The following LPCAT2 variants were observed in gnomAD, a reference collection of about 807,000 sequenced individuals.
LPCAT2 encodes the protein 1-AGP acyltransferase 11.
In LPCAT2, 58 loss-of-function variants were observed where a neutral mutation model predicts 64.7. That is an observed-to-expected ratio of 0.90 (90% CI 0.73 to 1.12). The LOEUF (loss-of-function observed/expected upper bound fraction) is 1.12, where lower values mean the gene tolerates loss of function less well. Among genes scored for constraint, LPCAT2 ranks in the 50% most tolerant of loss-of-function variants. LPCAT2 has a pLI of 0.00. For missense variants in LPCAT2, 579 were observed against 669.8 expected, an observed-to-expected ratio of 0.86 and a Z score of 1.50; for synonymous variants, 252 against 245.3, an observed-to-expected ratio of 1.03 and a Z score of -0.26.
chr16:55,528,348 C>G, intron 2 of LPCAT2, 29 bp from the exon 3 acceptor site: 1 of 1,562,566 alleles, frequency 6.4e-7, no homozygotes, highest in South Asian at 1.1e-5. Context: ...ATTAACAGAG[C>G]TAATTACATC....
intron 8 of LPCAT2, chr16:55,538,304 T>G (rs1596864081): frequency 6.6e-6 from 1 of 152,194 alleles, no homozygotes; most frequent in South Asian, 2.1e-4. Flanking sequence ...TACCCTCAGG[T>G]AGTCTCCGAA....
At chr16:55,533,406 G>T (rs1409270702) in intron 6 of LPCAT2, among the ~76,000 whole-genome samples, 3 of 96,444 alleles carry the variant, frequency 3.1e-5, no homozygotes, top group Non-Finnish European at 3.9e-5. Context: ...TGTTTTTCGG[G>T]TTTTTTTTTT....
chr16:55,549,872 G>T (rs8047714), intron 10 of LPCAT2, among the ~76,000 whole-genome samples: 13,257 of 151,932 alleles, frequency 0.087, 817 homozygotes, highest in African/African-American at 0.17. Flanking sequence ...TAAAAAAAAG[G>T]CAAAAATCTT....
intron 4 of LPCAT2, among the ~76,000 whole-genome samples, chr16:55,530,386 G>A (rs561732147): frequency 6.6e-6 from 1 of 151,686 alleles, no homozygotes; most frequent in Non-Finnish European, 1.5e-5. Flanking sequence ...CTCACCTGAA[G>A]TATATTTAGA....
At chr16:55,514,693 A>G (rs1042210928) in intron 1 of LPCAT2, among the ~76,000 whole-genome samples, 2 of 152,340 alleles carry the variant, frequency 1.3e-5, no homozygotes, top group East Asian at 1.9e-4. Context: ...AACAAAGTAT[A>G]GCTTATAAAT....
At chr16:55,516,444 A>G (rs1963012854) in intron 1 of LPCAT2, among the ~76,000 whole-genome samples, 1 of 152,220 alleles carries the variant, frequency 6.6e-6, no homozygotes, top group Non-Finnish European at 1.5e-5. Flanking sequence ...AATAGGTTGG[A>G]AGTAAAAAGA....
intron 11 of LPCAT2, chr16:55,566,904 GAGGCTGCAGCAGCTCAGTATACTCC>G (rs754784372): frequency 4.3e-6 from 7 of 1,613,884 alleles, no homozygotes; most frequent in Admixed American, 1.7e-5. Context: ...TTTTATCAGT[GAGGCTGCAGCAGCTCAGTATACTCC>G]AGAACCGCCT....
chr16:55,528,342 A>G (rs1699375739), intron 2 of LPCAT2, 35 bp from the exon 3 acceptor site: 2 of 1,534,668 alleles, frequency 1.3e-6, no homozygotes, highest in Admixed American at 1.7e-5. Context: ...GCTTTAATTA[A>G]CAGAGCTAAT....
At chr16:55,542,796 A>T (rs1963412770) in intron 8 of LPCAT2, among the ~76,000 whole-genome samples, 1 of 152,174 alleles carries the variant, frequency 6.6e-6, no homozygotes, top group African/African-American at 2.4e-5. Context: ...TAATGAGGGG[A>T]AACTGAAGAA....
At chr16:55,555,432 A>G (rs1372471286) in intron 11 of LPCAT2, among the ~76,000 whole-genome samples, 6 of 152,192 alleles carry the variant, frequency 3.9e-5, no homozygotes, top group African/African-American at 1.4e-4. Context: ...GTTGCCAGTT[A>G]TAGTCGAGAA....
intron 2 of LPCAT2, 65 bp downstream of exon 2, chr16:55,525,712 TAAG>T (rs1963161421): frequency 1.6e-6 from 2 of 1,246,918 alleles, no homozygotes; most frequent in Admixed American, 2.8e-5. Flanking sequence ...TAAATCAATA[TAAG>T]AAGAGTTCAT....
At chr16:55,529,562 G>C (rs1963222346) in intron 3 of LPCAT2, among the ~76,000 whole-genome samples, 1 of 152,144 alleles carries the variant, frequency 6.6e-6, no homozygotes, top group Non-Finnish European at 1.5e-5. Flanking sequence ...AAGGTTTAAT[G>C]TCAATTGAGG....
chr16:55,542,820 A>G (rs1478077435), intron 8 of LPCAT2, among the ~76,000 whole-genome samples: 1 of 152,182 alleles, frequency 6.6e-6, no homozygotes, highest in Non-Finnish European at 1.5e-5. Flanking sequence ...AGCAGAGATT[A>G]GAGTCATAAG....
intron 11 of LPCAT2, among the ~76,000 whole-genome samples, chr16:55,553,234 T>C (rs571512207): frequency 9.6e-4 from 144 of 149,474 alleles, no homozygotes; most frequent in African/African-American, 3.5e-3. Flanking sequence ...CGAAACTCCA[T>C]CTCAAAAAAA....
At chr16:55,552,437 A>C (rs1963528170) in intron 11 of LPCAT2, among the ~76,000 whole-genome samples, 1 of 152,204 alleles carries the variant, frequency 6.6e-6, no homozygotes, top group South Asian at 2.1e-4. Flanking sequence ...ATATAAATGT[A>C]GGTTTTCATT....
chr16:55,562,215 A>G (rs1266149410), intron 11 of LPCAT2, among the ~76,000 whole-genome samples: 1 of 151,832 alleles, frequency 6.6e-6, no homozygotes, highest in African/African-American at 2.4e-5. Context: ...ACTATTCACC[A>G]TCTCTTGAAT....
At chr16:55,535,995 A>C (rs1963319220) in intron 7 of LPCAT2, among the ~76,000 whole-genome samples, 1 of 152,202 alleles carries the variant, frequency 6.6e-6, no homozygotes, top group Non-Finnish European at 1.5e-5. Context: ...GAAAGGGAGA[A>C]AAAATATTTT....
At position 55,584,745 on chromosome 16, in the gene LPCAT2, T is replaced by C. The variant is rs1440451596; in HGVS notation, c.*1647T>C. 1 of 152,218 alleles carries C rather than the reference T, an allele frequency of 6.6e-6. No homozygotes were observed. Among genetic ancestry groups the C allele is most frequent in the African/African-American group, 2.4e-5 (1 of 41,466 alleles). 9.4% of individuals were successfully genotyped at this position (152,218 alleles called of 1,614,324 possible). ...CATGATTTCAAACTAGTTTTACATA[T>C]TAAGCAGTTAGTGTTCTAATTTAAT... On this transcript the variant is annotated 3_prime_UTR_variant, in exon 14 of 14. Coordinates refer to ENST00000262134, the MANE Select transcript of LPCAT2 (RefSeq NM_017839.5).
intron 11 of LPCAT2, among the ~76,000 whole-genome samples, chr16:55,561,535 T>A: frequency 6.6e-6 from 1 of 151,632 alleles, no homozygotes. Flanking sequence ...TATGAGAAAC[T>A]GTTAGCCAAA....
Sources: allele counts gnomAD v4.1 joint callset (sites outside exome capture counted in the v4.1 genomes callset), GRCh38; gene constraint gnomAD v4.1.1; transcripts MANE v1.5; gene names NCBI Gene and HGNC (gene_info 2026-07-23, HGNC 2026-07-21).